Variants in MACROD2 observed in about 807,000 individuals in gnomAD.
MACROD2 encodes the protein ADP-ribose glycohydrolase MACROD2.
In MACROD2, 36 loss-of-function variants were observed where a neutral mutation model predicts 70.4. The observed-to-expected ratio is 0.51, with a 90% CI of 0.39 to 0.68. MACROD2 has a LOEUF of 0.68. Ranked by LOEUF, MACROD2 falls within the 30% of genes least tolerant of loss-of-function variation. The probability of loss-of-function intolerance (pLI) is 0.00; values close to 1 mark genes in which losing one functional copy is unlikely to be tolerated. For synonymous variants in MACROD2, 172 were observed against 178.8 expected (o/e 0.96, Z 0.30); for missense variants, 496 against 538.4 (o/e 0.92, Z 0.78).
At chr20:14,750,360 ATCT>A (rs2071854317) in intron 5 of MACROD2, among the ~76,000 whole-genome samples, 2 of 152,144 alleles carry the variant, frequency 1.3e-5, no homozygotes, top group South Asian at 4.1e-4. Context: ...AAAAACGTTA[ATCT>A]TCAGTAATTT....
intron 5 of MACROD2, among the ~76,000 whole-genome samples, chr20:15,181,861 G>T (rs890071439): frequency 6.6e-6 from 1 of 151,958 alleles, no homozygotes; most frequent in Non-Finnish European, 1.5e-5. Flanking sequence ...TTTGCAGTTA[G>T]TTATGCCTTT....
chr20:14,058,471 T>A (rs141895359), intron 2 of MACROD2, among the ~76,000 whole-genome samples: 3,717 of 151,752 alleles, frequency 0.024, 63 homozygotes, highest in Middle Eastern at 0.041. Flanking sequence ...TTTTCTCTTA[T>A]ATTTTGGTTT....
At chr20:14,666,429 T>C (rs2070737371) in intron 4 of MACROD2, among the ~76,000 whole-genome samples, 1 of 152,132 alleles carries the variant, frequency 6.6e-6, no homozygotes, top group Non-Finnish European at 1.5e-5. Flanking sequence ...CCCTTGACTT[T>C]TGATTTCTGT....
chr20:15,302,698 G>T (rs2077658764), intron 6 of MACROD2, among the ~76,000 whole-genome samples: 1 of 152,160 alleles, frequency 6.6e-6, no homozygotes, highest in Non-Finnish European at 1.5e-5. Context: ...CATTTAGTGG[G>T]TATATTTAAT....
chr20:14,515,102 A>G (rs1249472258), intron 4 of MACROD2, among the ~76,000 whole-genome samples: 1 of 152,110 alleles, frequency 6.6e-6, no homozygotes, highest in Admixed American at 6.6e-5. Flanking sequence ...GTATTCTGGA[A>G]CTTAAACTGA....
intron 5 of MACROD2, among the ~76,000 whole-genome samples, chr20:14,991,821 A>G (rs2074906864): frequency 6.6e-6 from 1 of 152,176 alleles, no homozygotes; most frequent in Non-Finnish European, 1.5e-5. Context: ...CACCGCCTTA[A>G]TTAATGCTCC....
chr20:15,809,308 A>G lies in MACROD2; in HGVS notation c.646-53437A>G, dbSNP rs910102997. ...AACTCTCCAGCTGACTGATGCCTCCAGGTCTTTGCCTCTGGTATCCCTCAT... is the reference window on the plus strand; with the variant it reads ...AACTCTCCAGCTGACTGATGCCTCCGGGTCTTTGCCTCTGGTATCCCTCAT... On this transcript the variant is annotated intron_variant, in intron 8 of 17. Coordinates refer to ENST00000684519, the MANE Select transcript of MACROD2 (RefSeq NM_001351661.2). Among the ~76,000 whole-genome samples, 4 of 152,170 alleles carry G rather than the reference A, an allele frequency of 2.6e-5. No homozygotes were observed. The East Asian group carries it at 5.8e-4, about 22-fold the overall frequency.
intron 8 of MACROD2, among the ~76,000 whole-genome samples, chr20:15,735,865 T>G (rs976685969): frequency 6.6e-6 from 1 of 152,182 alleles, no homozygotes. Flanking sequence ...AGATTATAGA[T>G]CTTCTCTTGA....
At chr20:14,860,413 T>C (rs2073302071) in intron 5 of MACROD2, among the ~76,000 whole-genome samples, 1 of 148,298 alleles carries the variant, frequency 6.7e-6, no homozygotes, top group South Asian at 2.2e-4. Flanking sequence ...TTTGTGAAGC[T>C]GGGTGGGGGT....
intron 5 of MACROD2, among the ~76,000 whole-genome samples, chr20:15,122,171 A>G (rs770024901): frequency 7.0e-4 from 106 of 152,180 alleles, no homozygotes; most frequent in Non-Finnish European, 1.2e-3. Context: ...TTTTCTTTCA[A>G]TGTAATAAGC....
intron 2 of MACROD2, among the ~76,000 whole-genome samples, chr20:14,031,130 G>C (rs2053242347): frequency 2.6e-5 from 4 of 152,172 alleles, no homozygotes; most frequent in Admixed American, 2.0e-4. Flanking sequence ...GGAATGCTAT[G>C]ACTGGCTAAA....
chr20:15,705,568 C>T (rs2050521268), intron 8 of MACROD2, among the ~76,000 whole-genome samples: 1 of 152,056 alleles, frequency 6.6e-6, no homozygotes, highest in Admixed American at 6.5e-5. Context: ...TATAGTCACC[C>T]TCCACCACGT....
At chr20:14,406,537 C>G (rs1289043033) in intron 3 of MACROD2, among the ~76,000 whole-genome samples, 1 of 152,072 alleles carries the variant, frequency 6.6e-6, no homozygotes, top group Non-Finnish European at 1.5e-5. Flanking sequence ...TTTGAGACAG[C>G]TATTTAGTCT....
chr20:14,740,003 A>G (rs1318378590), intron 5 of MACROD2, among the ~76,000 whole-genome samples: 1 of 152,116 alleles, frequency 6.6e-6, no homozygotes, highest in East Asian at 1.9e-4. Flanking sequence ...ATATGTACAT[A>G]TAGAGAAAGA....
chr20:15,740,546 A>C (rs1568534558), intron 8 of MACROD2, among the ~76,000 whole-genome samples: 1 of 152,174 alleles, frequency 6.6e-6, no homozygotes, highest in South Asian at 2.1e-4. Context: ...ATAGGGCAAC[A>C]TTAAAATCCT....
intron 3 of MACROD2, among the ~76,000 whole-genome samples, chr20:14,392,723 T>C (rs191722767): frequency 6.6e-6 from 1 of 152,296 alleles, no homozygotes. Context: ...TTCCTAAATT[T>C]CATTCTCCCC....
intron 4 of MACROD2, among the ~76,000 whole-genome samples, chr20:14,569,461 T>C (rs139031963): frequency 1.3e-5 from 2 of 152,026 alleles, no homozygotes; most frequent in Non-Finnish European, 2.9e-5. Context: ...ATTAAAAAAC[T>C]GAATACTTTG....
At chr20:14,344,400 A>G (rs1376036563) in intron 3 of MACROD2, among the ~76,000 whole-genome samples, 1 of 152,238 alleles carries the variant, frequency 6.6e-6, no homozygotes, top group African/African-American at 2.4e-5. Flanking sequence ...AATTTTCTGT[A>G]AAATATAAAG....
intron 3 of MACROD2, among the ~76,000 whole-genome samples, chr20:14,143,559 G>GA (rs1226912651): frequency 8.4e-4 from 124 of 147,910 alleles, no homozygotes; most frequent in Middle Eastern, 7.1e-3. Flanking sequence ...TTGCTTGGAG[G>GA]AAAAAAAAAA....
Sources: allele counts gnomAD v4.1 joint callset (sites outside exome capture counted in the v4.1 genomes callset), GRCh38; gene constraint gnomAD v4.1.1; transcripts MANE v1.5; gene names NCBI Gene and HGNC (gene_info 2026-07-23, HGNC 2026-07-21).